The following COL10A1 variants were observed in gnomAD, a reference collection of about 807,000 sequenced individuals.
The protein encoded by COL10A1 is collagen alpha-1(X) chain.
In COL10A1, 10 loss-of-function variants were observed where a neutral mutation model predicts 18.2. That is an observed-to-expected ratio of 0.55 (90% CI 0.34 to 0.93). COL10A1 has a LOEUF of 0.93. COL10A1 is among the 40% of genes least tolerant of loss of function. COL10A1 has a pLI of 0.02. For missense variants in COL10A1, 897 were observed against 853.5 expected, an observed-to-expected ratio of 1.05 and a Z score of -0.64; for synonymous variants, 330 against 316.6, an observed-to-expected ratio of 1.04 and a Z score of -0.45.
Position 116,120,485 on chromosome 6 carries a change from T to C in COL10A1, c.1631A>G (p.Gln544Arg), listed in dbSNP as rs941476550. The C allele has an allele frequency of 1.2e-6, 2 of 1,614,098 alleles. No homozygotes were observed. The highest frequency in any genetic ancestry group is 1.7e-6 in the Non-Finnish European group (2 of 1,180,032). Residue 544 changes from glutamine to arginine, a missense_variant, in exon 3 of 3, where the codon CAG becomes CGG. By Grantham distance (43) the Gln-to-Arg change is conservative. Transcript: ENST00000651968. ...AGACACAGGCATTCCTGTTACCCCC[T>C]GGTTGGCACTAACAAGAGGGGTCCC... ...LSGTPLVSAN[Q>R]GVTGMPVSAF... is the part of the protein sequence containing the mutation.
chr6:116,192,561 A>C, the COL10A1 span, among the ~76,000 whole-genome samples: 1 of 152,092 alleles, frequency 6.6e-6, no homozygotes. Context: ...AAACTTCCTA[A>C]ACTATTTTCT....
At chr6:116,169,366 C>T in the COL10A1 span, among the ~76,000 whole-genome samples, 2 of 152,146 alleles carry the variant, frequency 1.3e-5, no homozygotes, top group South Asian at 2.1e-4. Context: ...AAAATGAAAA[C>T]ATGTTATAGT....
intron 1 of COL10A1, among the ~76,000 whole-genome samples, chr6:116,138,692 A>G (rs1215092716): frequency 1.3e-5 from 2 of 152,136 alleles, no homozygotes; most frequent in African/African-American, 4.8e-5. Flanking sequence ...ATTTTGGGAG[A>G]CTTTTGAATT....
intron 1 of COL10A1, among the ~76,000 whole-genome samples, chr6:116,139,778 A>G (rs1268994345): frequency 6.6e-6 from 1 of 152,154 alleles, no homozygotes; most frequent in African/African-American, 2.4e-5. Context: ...AAGGCATTAT[A>G]AATATTAATA....
chr6:116,216,636 AT>A, the COL10A1 span, among the ~76,000 whole-genome samples: 1 of 151,828 alleles, frequency 6.6e-6, no homozygotes, highest in Admixed American at 6.6e-5. Context: ...GATATTCTAG[AT>A]TTATTTATTT....
the COL10A1 span, among the ~76,000 whole-genome samples, chr6:116,178,596 A>G: frequency 6.6e-6 from 1 of 152,212 alleles, no homozygotes; most frequent in Non-Finnish European, 1.5e-5. Context: ...AAGTGTTCCC[A>G]CCTTTTACTC....
the COL10A1 span, among the ~76,000 whole-genome samples, chr6:116,178,095 G>A: frequency 7.6e-4 from 77 of 101,518 alleles, no homozygotes; most frequent in Admixed American, 3.4e-3. Context: ...GTGTGCGCGC[G>A]CGCGCGCGTG....
the COL10A1 span, among the ~76,000 whole-genome samples, chr6:116,205,671 C>T: frequency 1.1e-4 from 16 of 151,912 alleles, no homozygotes; most frequent in Non-Finnish European, 2.1e-4. Context: ...GTGTAGTTTC[C>T]GTCTTTATTC....
intron 1 of COL10A1, among the ~76,000 whole-genome samples, chr6:116,147,739 T>C (rs1779934768): frequency 6.6e-6 from 1 of 152,204 alleles, no homozygotes; most frequent in African/African-American, 2.4e-5. Context: ...TCTCTAAGAA[T>C]TTATATTACA....
At chr6:116,204,758 G>T in the COL10A1 span, among the ~76,000 whole-genome samples, 1 of 151,860 alleles carries the variant, frequency 6.6e-6, no homozygotes, top group Non-Finnish European at 1.5e-5. Context: ...AGAATGAAGC[G>T]TTTCTAGAAT....
chr6:116,175,267 T>C, the COL10A1 span, among the ~76,000 whole-genome samples: 2 of 152,194 alleles, frequency 1.3e-5, no homozygotes, highest in Non-Finnish European at 2.9e-5. Context: ...AAACTAATGA[T>C]CTGATTTCTG....
At chr6:116,164,100 T>C in the COL10A1 span, among the ~76,000 whole-genome samples, 2 of 152,230 alleles carry the variant, frequency 1.3e-5, no homozygotes, top group Non-Finnish European at 2.9e-5. Flanking sequence ...TCTTTAGGTG[T>C]CTATCCATTT....
At chr6:116,214,132 C>G in the COL10A1 span, among the ~76,000 whole-genome samples, 8 of 152,120 alleles carry the variant, frequency 5.3e-5, no homozygotes, top group Admixed American at 2.6e-4. Context: ...AAACCACTTA[C>G]AAACTTAGGA....
upstream of COL10A1, among the ~76,000 whole-genome samples, chr6:116,159,322 A>G (rs115541405): frequency 4.1e-3 from 618 of 152,316 alleles, 4 homozygotes; most frequent in African/African-American, 0.014. Context: ...CATAAAGAGA[A>G]AAAAGACACT....
At chr6:116,162,403 G>A (rs1216619806), upstream of COL10A1, among the ~76,000 whole-genome samples, 1 of 152,102 alleles carries the variant, frequency 6.6e-6, no homozygotes, top group East Asian at 1.9e-4. Context: ...TATGATGTTG[G>A]CTGTGGCTTT....
rs555252221 is a variant in COL10A1 at position 116,126,037 on chromosome 6, G to A, written c.-16+16C>T. Reference sequence around the variant, plus strand: ...AGCAAGTTAACATGGAAGTCCACCAGTAAGCGTACGCTTACCTGCGTGCTG... The same window carrying A: ...AGCAAGTTAACATGGAAGTCCACCAATAAGCGTACGCTTACCTGCGTGCTG... On this transcript the variant is annotated intron_variant, in intron 1 of 2. Transcript: ENST00000651968. 3.8e-5 allele frequency: 6 copies of A among 157,020 alleles called. No individual in the cohort carries two copies. Among genetic ancestry groups the A allele is most frequent in the Non-Finnish European group, 7.0e-5 (5 of 71,536 alleles). The allele number at this position is 157,020 out of a possible 1,614,324, so 9.7% of individuals were successfully genotyped here. A position where few individuals can be genotyped will look rare whatever the true frequency, so the allele number is the denominator to read the frequency against.
chr6:116,162,799 T>G (rs1780365218), upstream of COL10A1, among the ~76,000 whole-genome samples: 1 of 152,126 alleles, frequency 6.6e-6, no homozygotes, highest in Admixed American at 6.5e-5. Flanking sequence ...AGAATGAGTT[T>G]AGGAGGAATT....
Position 116,157,367 on chromosome 6 carries a change from A to G in COL10A1, c.-16+1247T>C, listed in dbSNP as rs138533804. ...AAGTAACTGTATGGACTTCCACCTT[A>G]TTACAGTCTTTGGCCACTGCTATCT... On this transcript the variant is annotated intron_variant, in intron 1 of 1. Transcript: ENST00000418500. 7.0e-4 allele frequency among the ~76,000 whole-genome samples: 106 copies of G among 152,324 alleles called. No individual in the cohort carries two copies. The East Asian group carries it at 0.017, about 25-fold the overall frequency.
chr6:116,177,202 C>G, the COL10A1 span, among the ~76,000 whole-genome samples: 3 of 152,166 alleles, frequency 2.0e-5, no homozygotes, highest in African/African-American at 7.2e-5. Flanking sequence ...ATTCTCAATA[C>G]AAATAATTAA....
Sources: allele counts gnomAD v4.1 joint callset (sites outside exome capture counted in the v4.1 genomes callset), GRCh38; gene constraint gnomAD v4.1.1; transcripts MANE v1.5; gene names NCBI Gene and HGNC (gene_info 2026-07-23, HGNC 2026-07-21).